Variants in INPP4A observed in about 807,000 individuals in gnomAD.
The protein encoded by INPP4A is inositol polyphosphate-4-phosphatase, type I, 107kD.
INPP4A carries 33 observed loss-of-function variants against 119.8 expected under a neutral mutation model. The ratio of observed to expected loss-of-function variants is 0.28; its 90% confidence interval spans 0.21 to 0.37. The LOEUF is 0.37. INPP4A is among the 10% of genes least tolerant of loss of function. The pLI, the probability that INPP4A is intolerant of heterozygous loss-of-function variation, is 1.00. For synonymous variants in INPP4A, 496 were observed against 500.7 expected, an observed-to-expected ratio of 0.99 and a Z score of 0.12; for missense variants, 956 against 1,289.9, an observed-to-expected ratio of 0.74 and a Z score of 3.97.
At chr2:98,492,435 A>G (rs1382355242) in intron 1 of INPP4A, among the ~76,000 whole-genome samples, 2 of 152,196 alleles carry the variant, frequency 1.3e-5, no homozygotes, top group African/African-American at 4.8e-5. Flanking sequence ...TTTTCCTACT[A>G]TAACATCTCT....
chr2:98,534,143 A>G (rs976498768), intron 5 of INPP4A, among the ~76,000 whole-genome samples: 28 of 152,228 alleles, frequency 1.8e-4, no homozygotes, highest in African/African-American at 6.3e-4. Flanking sequence ...AAGCTAGCCC[A>G]CCCTTTCAGT....
chr2:98,558,486 T>TC (rs1162142362), intron 16 of INPP4A, among the ~76,000 whole-genome samples: 1 of 152,172 alleles, frequency 6.6e-6, no homozygotes, highest in African/African-American at 2.4e-5. Flanking sequence ...GCCTTTGTAT[T>TC]CTCTTTCCCC....
intron 17 of INPP4A, among the ~76,000 whole-genome samples, chr2:98,561,120 G>A (rs1695397243): frequency 6.6e-6 from 1 of 152,178 alleles, no homozygotes; most frequent in East Asian, 1.9e-4. Context: ...ACTGATGAGG[G>A]GAAAATGCAG....
chr2:98,483,166 G>A (rs1357251486), intron 1 of INPP4A, among the ~76,000 whole-genome samples: 3 of 152,090 alleles, frequency 2.0e-5, no homozygotes, highest in Non-Finnish European at 2.9e-5. Flanking sequence ...ACAGTGAATC[G>A]CAACTCAGCT....
chr2:98,460,003 T>A (rs994462878), intron 1 of INPP4A, among the ~76,000 whole-genome samples: 1 of 152,146 alleles, frequency 6.6e-6, no homozygotes, highest in African/African-American at 2.4e-5. Context: ...GTGACCTTTT[T>A]TATCCTTGGC....
At chr2:98,447,366 T>C (rs1694366995) in intron 1 of INPP4A, among the ~76,000 whole-genome samples, 2 of 72,732 alleles carry the variant, frequency 2.7e-5, no homozygotes, top group Non-Finnish European at 5.5e-5. Context: ...TCGAAACGGC[T>C]TTTTTTTTCA....
At position 98,533,309 on chromosome 2, in the gene INPP4A, T is replaced by A. The variant is rs1689602025; in HGVS notation, c.152-68T>A. 3 of 965,892 alleles carry A rather than the reference T, an allele frequency of 3.1e-6. No homozygotes were observed. The South Asian group carries it at 4.0e-5, about 13-fold the overall frequency. The allele number at this position is 965,892 out of a possible 1,614,324, so 59.8% of individuals were successfully genotyped here. ...ACTCTTTGTGCTTTCTTTGAATGTG[T>A]TTGGAACAGAAAACTAATCAGAGTC... On this transcript the variant is annotated intron_variant, in intron 4 of 24. Transcript: ENST00000409851.
intron 15 of INPP4A, among the ~76,000 whole-genome samples, chr2:98,555,027 T>A (rs1243637441): frequency 6.6e-6 from 1 of 152,200 alleles, no homozygotes; most frequent in Non-Finnish European, 1.5e-5. Context: ...TTTTTACCAT[T>A]TATTGAGACT....
At chr2:98,543,655 T>TG (rs1691945597) in intron 10 of INPP4A, among the ~76,000 whole-genome samples, 2 of 152,228 alleles carry the variant, frequency 1.3e-5, no homozygotes, top group East Asian at 3.8e-4. Context: ...AAAGCTACTC[T>TG]GGACACACTG....
intron 1 of INPP4A, among the ~76,000 whole-genome samples, chr2:98,497,001 C>G (rs962711205): frequency 1.3e-5 from 2 of 152,204 alleles, no homozygotes; most frequent in African/African-American, 4.8e-5. Context: ...CTTTTCCACC[C>G]TACTCTTAGC....
intron 1 of INPP4A, among the ~76,000 whole-genome samples, chr2:98,479,282 G>C (rs542453099): frequency 6.6e-6 from 1 of 152,162 alleles, no homozygotes; most frequent in East Asian, 1.9e-4. Context: ...GTGCTGATGG[G>C]GGGTATCTGC....
At chr2:98,586,007 A>G (rs1487054061) in intron 24 of INPP4A, among the ~76,000 whole-genome samples, 1 of 152,250 alleles carries the variant, frequency 6.6e-6, no homozygotes, top group Non-Finnish European at 1.5e-5. Flanking sequence ...AACTGTGTAT[A>G]GGAACCTATA....
chr2:98,516,938 C>T (rs1232719425), intron 1 of INPP4A, among the ~76,000 whole-genome samples: 1 of 151,998 alleles, frequency 6.6e-6, no homozygotes, highest in Non-Finnish European at 1.5e-5. Context: ...GCAGAACTCA[C>T]GTAAGTTTTT....
At chr2:98,531,969 G>A (rs1689321692) in intron 4 of INPP4A, among the ~76,000 whole-genome samples, 1 of 152,200 alleles carries the variant, frequency 6.6e-6, no homozygotes, top group South Asian at 2.1e-4. Context: ...ACACAAATGT[G>A]TATGCTAACA....
intron 1 of INPP4A, among the ~76,000 whole-genome samples, chr2:98,501,432 AGTAG>A (rs768364973): frequency 9.2e-5 from 14 of 152,248 alleles, no homozygotes; most frequent in Non-Finnish European, 1.8e-4. Context: ...GAAATACTGT[AGTAG>A]TATCCATGCT....
Position 98,546,631 on chromosome 2 carries a change from G to A in INPP4A, c.1100G>A (p.Cys367Tyr), listed in dbSNP as rs1437895112. 2.5e-6 allele frequency: 4 copies of A among 1,613,992 alleles called. No individual in the cohort carries two copies. Among genetic ancestry groups the A allele is most frequent in the Non-Finnish European group, 3.4e-6 (4 of 1,179,822 alleles). Reference sequence around the variant, plus strand: ...ACCATTGGGGCGCCAGCAGCACACTGCCAAGGTTTTAAGTCAGGAGGTCTC... The same window carrying A: ...ACCATTGGGGCGCCAGCAGCACACTACCAAGGTTTTAAGTCAGGAGGTCTC... ...IVTIGAPAAH[C>Y]QGFKSGGLRK... is the part of the protein sequence containing the mutation. Residue 367 changes from cysteine (C) to tyrosine (Y), a missense_variant, in exon 13 of 25, where the codon TGC becomes TAC. By Grantham distance (194) the Cys-to-Tyr change is radical. Around this residue, in one of 2 missense-constraint regions of INPP4A, gnomAD observed 652 missense variants for 797.9 expected, o/e 0.82. Transcript: ENST00000409851. This position sits in a 1 kb window ranked among gnomAD's most constrained non-coding sequence, Gnocchi z 4.2.
rs3731657 is a variant in INPP4A at position 98,498,724 on chromosome 2, G to C, written c.-165-20240G>C. Among the ~76,000 whole-genome samples the C allele has an allele frequency of 1.1e-4, 16 of 152,306 alleles. No homozygotes were observed. The East Asian group carries it at 3.1e-3, about 29-fold the overall frequency. On this transcript the variant is annotated intron_variant, in intron 1 of 24. Coordinates refer to ENST00000409851, the MANE Select transcript of INPP4A (RefSeq NM_001134225.2). ...CGTATTTGGAGATGGCGTCTGTAAA[G>C]AGATAATTAAGGTTAAATTAGGACA...
At position 98,526,102 on chromosome 2, in the gene INPP4A, AT is replaced by A. The variant is rs568113926; in HGVS notation, c.151+5377del. ...TAAATTGTACAATGGAATATGACTC[AT>A]TTTTTAAAAAAGAATGAATTATCAA... On this transcript the variant is annotated intron_variant, in intron 4 of 24. Coordinates refer to ENST00000409851, the MANE Select transcript of INPP4A (RefSeq NM_001134225.2). Among the ~76,000 whole-genome samples the A allele has an allele frequency of 2.6e-4, 40 of 152,356 alleles. No individual in the cohort carries two copies. In the South Asian group the frequency reaches 8.3e-3, roughly 32 times the overall value.
At chr2:98,463,153 TA>T (rs539731352) in intron 1 of INPP4A, among the ~76,000 whole-genome samples, 21 of 152,352 alleles carry the variant, frequency 1.4e-4, no homozygotes, top group African/African-American at 5.1e-4. Flanking sequence ...ACAGACATTT[TA>T]AACTAACCTG....
Sources: allele counts gnomAD v4.1 joint callset (sites outside exome capture counted in the v4.1 genomes callset), GRCh38; gene constraint gnomAD v4.1.1; regional missense constraint gnomAD v4.1.1; non-coding constraint Gnocchi (gnomAD v3.1); transcripts MANE v1.5; gene names NCBI Gene and HGNC (gene_info 2026-07-23, HGNC 2026-07-21).